The following NCOR1 variants were observed in gnomAD, a reference collection of about 807,000 sequenced individuals.
NCOR1 encodes protein phosphatase 1, regulatory subunit 109.
A neutral mutation model predicts 288.1 loss-of-function variants in NCOR1; 63 were observed. That is an observed-to-expected ratio of 0.22 (90% CI 0.18 to 0.27). The LOEUF (loss-of-function observed/expected upper bound fraction) is 0.27. Ranked by LOEUF, NCOR1 falls within the 10% of genes least tolerant of loss-of-function variation. The pLI is 1.00. For missense variants in NCOR1, 2,397 were observed against 3,019.2 expected (o/e 0.79, Z 4.83); for synonymous variants, 1,007 against 1,065.9 (o/e 0.94, Z 1.08).
intron 14 of NCOR1, among the ~76,000 whole-genome samples, chr17:16,126,884 C>T (rs2074139818): frequency 1.3e-5 from 2 of 152,020 alleles, no homozygotes; most frequent in South Asian, 4.2e-4. Context: ...CTACAGTAGC[C>T]CCCACCATAT....
At chr17:16,190,669 C>T (rs1160625463) in intron 2 of NCOR1, among the ~76,000 whole-genome samples, 5 of 152,010 alleles carry the variant, frequency 3.3e-5, no homozygotes, top group East Asian at 1.9e-4. Flanking sequence ...TTCTAAAGGA[C>T]GTACCCAGCA....
chr17:16,067,445 T>C (rs905355019), intron 32 of NCOR1, among the ~76,000 whole-genome samples: 1 of 152,242 alleles, frequency 6.6e-6, no homozygotes, highest in African/African-American at 2.4e-5. Context: ...TGTCTTTACT[T>C]GGAAGTTCTA....
At chr17:16,091,796 A>G in intron 22 of NCOR1, 67 bp downstream of exon 22, 1 of 1,606,934 alleles carries the variant, frequency 6.2e-7, no homozygotes, top group African/African-American at 1.3e-5. Context: ...CACAATGGAC[A>G]CTGCTTTTGG....
In NCOR1 at chr17:16,127,289, A is replaced by ATATGTATGTATGTATATATACATG. The variant is rs1568194927; in HGVS notation, c.1510-1107_1510-1084dup. Among the ~76,000 whole-genome samples, 3 of 84,474 alleles carry ATATGTATGTATGTATATATACATG rather than the reference A, an allele frequency of 3.6e-5. 1 individual carries two copies. The highest frequency in any genetic ancestry group is 2.2e-4 in the Admixed American group (2 of 8,984). The allele number at this position is 84,474 out of a possible 152,430, so 55.4% of individuals were successfully genotyped here. ...TATATGTATGTATATATACGTGTAT[A>ATATGTATGTATGTATATATACATG]TATGTATGTATGTATATATACATGT... On this transcript the variant is annotated intron_variant, in intron 14 of 45. Coordinates refer to ENST00000268712, the MANE Select transcript of NCOR1 (RefSeq NM_006311.4).
chr17:16,168,350 G>A (rs1412197462), intron 4 of NCOR1, among the ~76,000 whole-genome samples: 1 of 152,002 alleles, frequency 6.6e-6, no homozygotes, highest in Non-Finnish European at 1.5e-5. Flanking sequence ...ACAGGCGCCT[G>A]CCACCACGTC....
At chr17:16,088,911 T>G (rs973681194) in intron 22 of NCOR1, among the ~76,000 whole-genome samples, 2 of 152,158 alleles carry the variant, frequency 1.3e-5, no homozygotes, top group African/African-American at 4.8e-5. Flanking sequence ...ACGATGGTAC[T>G]TTTTCCTTCT....
chr17:16,211,176 G>C (rs899922037), intron 1 of NCOR1, among the ~76,000 whole-genome samples: 6 of 152,056 alleles, frequency 3.9e-5, no homozygotes, highest in African/African-American at 1.2e-4. Context: ...TCACTTCTCC[G>C]ACCTTCAGTG....
intron 31 of NCOR1, among the ~76,000 whole-genome samples, 198 bp downstream of exon 31, chr17:16,069,964 TTGA>T (rs1567820418): frequency 2.0e-5 from 3 of 152,236 alleles, no homozygotes; most frequent in Admixed American, 2.0e-4. Context: ...TAATCTGCAC[TTGA>T]TTTAAATATC....
Position 16,064,915 on chromosome 17 carries a change from T to C in NCOR1, c.5056A>G (p.Ile1686Val). The C allele has an allele frequency of 6.2e-7, 1 of 1,613,732 alleles. No individual in the cohort carries two copies. The highest frequency in any genetic ancestry group is 8.5e-7 in the Non-Finnish European group (1 of 1,179,766). ...DRITYIPGTQ[I>V]TFPPRPYNSA... ...TTGTACGGCCTGGGAGGGAAAGTAA[T>C]CTGTGTACCAGGAATATAAGTGATT... Residue 1686 changes from isoleucine (I) to valine (V), a missense_variant, in exon 34 of 46, where the codon ATT becomes GTT. Around this residue, in one of 11 missense-constraint regions of NCOR1, gnomAD observed 1,872 missense variants for 2,187.8 expected, o/e 0.86. Transcript: ENST00000268712.
chr17:16,172,683 G>GC (rs1364110151), intron 3 of NCOR1, among the ~76,000 whole-genome samples: 2 of 152,084 alleles, frequency 1.3e-5, no homozygotes, highest in Non-Finnish European at 2.9e-5. Context: ...CATCATCCTG[G>GC]CCCCAAAAAC....
At chr17:16,120,960 T>C (rs1476839347) in intron 16 of NCOR1, 92 bp downstream of exon 16, 1 of 1,150,248 alleles carries the variant, frequency 8.7e-7, no homozygotes, top group Non-Finnish European at 1.2e-6. Flanking sequence ...TTCTAGGTTG[T>C]CAATATTAAA....
intron 6 of NCOR1, among the ~76,000 whole-genome samples, chr17:16,155,732 C>T (rs914555202): frequency 6.6e-6 from 1 of 152,106 alleles, no homozygotes; most frequent in African/African-American, 2.4e-5. Flanking sequence ...ACTGCTGCCA[C>T]CCAAGAAATA....
chr17:16,101,737 C>T lies in NCOR1; in HGVS notation c.2203G>A (p.Glu735Lys), dbSNP rs752014552. ...GAAGTAGCATTTTCAGGACTGTCCT[C>T]GCTGGGCTTGACAGCTTCAACTGGT... is the stretch of plus-strand genomic sequence containing the variant. ...DSEVEAVKPS[E>K]DSPENATSRG... Residue 735 changes from glutamate to lysine, a missense_variant, in exon 20 of 46, where the codon GAG becomes AAG. Around this residue, in one of 11 missense-constraint regions of NCOR1, gnomAD observed 1,872 missense variants for 2,187.8 expected, o/e 0.86. Coordinates refer to ENST00000268712, the MANE Select transcript of NCOR1 (RefSeq NM_006311.4). 9.9e-6 allele frequency: 16 copies of T among 1,614,034 alleles called. No individual in the cohort carries two copies. The highest frequency in any genetic ancestry group is 1.6e-4 in the Middle Eastern group (1 of 6,084).
At chr17:16,121,749 T>C (rs1180207086) in intron 15 of NCOR1, among the ~76,000 whole-genome samples, 1 of 152,220 alleles carries the variant, frequency 6.6e-6, no homozygotes, top group Non-Finnish European at 1.5e-5. Context: ...ACAGTAATAA[T>C]CTACAATATT....
chr17:16,065,389 TTTCC>T, intron 33 of NCOR1, 92 bp downstream of exon 33: 3 of 1,327,090 alleles, frequency 2.3e-6, no homozygotes, highest in Non-Finnish European at 3.2e-6. Flanking sequence ...TCTTTCTTTC[TTTCC>T]ATCATTCATT....
chr17:16,099,151 C>T (rs2067162294), intron 20 of NCOR1, among the ~76,000 whole-genome samples: 1 of 152,200 alleles, frequency 6.6e-6, no homozygotes, highest in Non-Finnish European at 1.5e-5. Flanking sequence ...CCAGCAGCCG[C>T]CACCCCGCTC....
At chr17:16,186,833 C>T in intron 2 of NCOR1, 146 bp from the exon 3 acceptor site, 1 of 700,838 alleles carries the variant, frequency 1.4e-6, no homozygotes, top group Non-Finnish European at 2.3e-6. Flanking sequence ...TCTAATTCTT[C>T]CCCTTAAAAT....
chr17:16,070,964 C>T (rs1215412801), intron 30 of NCOR1, among the ~76,000 whole-genome samples: 1 of 150,346 alleles, frequency 6.7e-6, no homozygotes, highest in Non-Finnish European at 1.5e-5. Context: ...AGGAGGCGGA[C>T]GTTGCAGTGA....
At chr17:16,081,990 T>C (rs1296494592) in intron 23 of NCOR1, among the ~76,000 whole-genome samples, 1 of 152,208 alleles carries the variant, frequency 6.6e-6, no homozygotes, top group African/African-American at 2.4e-5. Context: ...AGCTGTTAAG[T>C]GCCCAACACA....
Sources: allele counts gnomAD v4.1 joint callset (sites outside exome capture counted in the v4.1 genomes callset), GRCh38; gene constraint gnomAD v4.1.1; regional missense constraint gnomAD v4.1.1; transcripts MANE v1.5; gene names NCBI Gene and HGNC (gene_info 2026-07-23, HGNC 2026-07-21).